CMKLR2: variants seen among roughly 807,000 people sequenced by gnomAD.
The protein encoded by CMKLR2 is chemerin chemokine-like receptor 2, also known as chemerin-like receptor 2.
CMKLR2 carries 18 observed loss-of-function variants against 23.0 expected under a neutral mutation model. The observed-to-expected ratio is 0.78, with a 90% CI of 0.54 to 1.16. CMKLR2 has a LOEUF of 1.16. CMKLR2 is among the 50% of genes most tolerant of loss of function. The probability of loss-of-function intolerance (pLI) is 0.00; values close to 1 mark genes in which losing one functional copy is unlikely to be tolerated. For missense variants in CMKLR2, 401 were observed against 412.7 expected (o/e 0.97, Z 0.25); for synonymous variants, 158 against 158.9 (o/e 0.99, Z 0.05).
chr2:206,177,235 C>T lies in CMKLR2; in HGVS notation c.13G>A (p.Glu5Lys). Residue 5 changes from glutamate to lysine, a missense_variant, in exon 2 of 2, where the codon GAG becomes AAG. Physicochemically the swap from Glu to Lys is moderately conservative, Grantham distance 56 (BLOSUM62 1). Coordinates refer to ENST00000621141, the MANE Select transcript of CMKLR2 (RefSeq NM_001389445.1). MEDL[E>K]ETLFEEFENY... is the part of the protein sequence containing the mutation. The stretch of plus-strand genomic sequence containing the variant: ...TCAAATTCTTCAAATAATGTTTCCT[C>T]CAAATCTTCCATGACCTTGCTAAAT... The T allele has an allele frequency of 1.3e-6, 2 of 1,594,258 alleles. No homozygotes were observed. The highest frequency in any genetic ancestry group is 1.7e-6 in the Non-Finnish European group (2 of 1,166,402).
chr2:206,203,082 G>A (rs530548171), intron 1 of CMKLR2, among the ~76,000 whole-genome samples: 5 of 150,818 alleles, frequency 3.3e-5, no homozygotes, highest in Non-Finnish European at 4.4e-5. Context: ...TTGGGAGGCC[G>A]AGGCGGGCAG....
intron 1 of CMKLR2, among the ~76,000 whole-genome samples, chr2:206,184,855 A>G (rs1479240899): frequency 2.0e-5 from 3 of 152,006 alleles, no homozygotes; most frequent in African/African-American, 4.8e-5. Flanking sequence ...TAGATTTTAT[A>G]TTTACCAGGC....
intron 1 of CMKLR2, among the ~76,000 whole-genome samples, chr2:206,180,972 C>G (rs1417485635): frequency 6.7e-6 from 1 of 149,728 alleles, no homozygotes; most frequent in African/African-American, 2.5e-5. Context: ...CCAGGCTGGT[C>G]TTGAACTCCT....
Position 206,176,489 on chromosome 2 carries a change from C to A in CMKLR2, c.759G>T (p.Val253=). Residue 253 remains valine, a synonymous_variant, in exon 2 of 2, where the codon GTG becomes GTT. Transcript: ENST00000621141. ...AAGGAGTCCAGCAAACCACAAAGGC[C>A]ACAACCACAACCAGAATTGTCCAGA... ...RHFWTILVVV[V]AFVVCWTPYH... 1 of 1,614,124 alleles carries A rather than the reference C, an allele frequency of 6.2e-7. No individual in the cohort carries two copies. Among genetic ancestry groups the A allele is most frequent in the South Asian group, 1.1e-5 (1 of 91,084 alleles).
chr2:206,178,237 C>T (rs899525291), intron 1 of CMKLR2, among the ~76,000 whole-genome samples: 6 of 152,134 alleles, frequency 3.9e-5, no homozygotes, highest in Admixed American at 3.3e-4. Flanking sequence ...TGCACTCCAG[C>T]CTGGGCAACA....
intron 1 of CMKLR2, among the ~76,000 whole-genome samples, chr2:206,198,494 CT>C (rs1212364610): frequency 6.6e-6 from 1 of 152,146 alleles, no homozygotes; most frequent in Non-Finnish European, 1.5e-5. Context: ...ACCGTATATT[CT>C]AGCTCTTTTA....
At chr2:206,214,100 C>T (rs574225491), upstream of CMKLR2, among the ~76,000 whole-genome samples, 3 of 151,424 alleles carry the variant, frequency 2.0e-5, no homozygotes, top group Admixed American at 2.0e-4. Context: ...GTGATCCACC[C>T]GCCTCAGTCT....
At position 206,177,089 on chromosome 2, in the gene CMKLR2, A is replaced by C. The variant is rs1212324573; in HGVS notation, c.159T>G (p.Ile53Met). 1 of 1,614,228 alleles carries C rather than the reference A, an allele frequency of 6.2e-7. No individual in the cohort carries two copies. The highest frequency in any genetic ancestry group is 8.5e-7 in the Non-Finnish European group (1 of 1,180,044). Reference sequence around the variant, plus strand: ...ACCAAATGACGATGGCATTTCCTGGAATTCCCAGAACAAAAGCCAAACAAT... The same window carrying C: ...ACCAAATGACGATGGCATTTCCTGGCATTCCCAGAACAAAAGCCAAACAAT... Reference protein sequence around the residue: ...VLYCLAFVLGIPGNAIVIWFT... With the variant: ...VLYCLAFVLGMPGNAIVIWFT... Residue 53 changes from isoleucine (I) to methionine (M), a missense_variant, in exon 2 of 2, where the codon ATT becomes ATG. By Grantham distance (10) the Ile-to-Met change is conservative (BLOSUM62 1). Transcript: ENST00000621141.
At chr2:206,207,291 C>T (rs1284379866) in intron 1 of CMKLR2, among the ~76,000 whole-genome samples, 2 of 151,846 alleles carry the variant, frequency 1.3e-5, no homozygotes, top group Admixed American at 1.3e-4. Flanking sequence ...CAAGCATGTG[C>T]CACCCCACTT....
chr2:206,178,703 G>A (rs1405066306), intron 1 of CMKLR2, among the ~76,000 whole-genome samples: 1 of 152,016 alleles, frequency 6.6e-6, no homozygotes, highest in Non-Finnish European at 1.5e-5. Context: ...AGGCTGGAAT[G>A]CATGGCACGA....
chr2:206,211,417 C>T (rs1042635898), intron 1 of CMKLR2, among the ~76,000 whole-genome samples: 5 of 152,054 alleles, frequency 3.3e-5, no homozygotes, highest in African/African-American at 7.2e-5. Flanking sequence ...CTCCGCCTCC[C>T]GGGTTCAAGC....
chr2:206,202,525 A>T (rs1333191243), intron 1 of CMKLR2, among the ~76,000 whole-genome samples: 1 of 152,160 alleles, frequency 6.6e-6, no homozygotes, highest in Non-Finnish European at 1.5e-5. Flanking sequence ...CAGTGGCGCA[A>T]TAATGGTTCA....
In CMKLR2 at chr2:206,176,221, A is replaced by T; in HGVS notation, c.1027T>A (p.Ser343Thr). The part of the protein sequence containing the change: ...SGTVSEQLRN[S>T]ETKNLCLLET... Reference sequence around the variant, plus strand: ...AGGAGACACAGATTCTTGGTTTCTGAGTTCCTGAGCTGTTCACTCACTGTG... The same window carrying T: ...AGGAGACACAGATTCTTGGTTTCTGTGTTCCTGAGCTGTTCACTCACTGTG... Residue 343 changes from serine to threonine, a missense_variant, in exon 2 of 2, where the codon TCA becomes ACA. Physicochemically the swap from Ser to Thr is moderately conservative, Grantham distance 58. Transcript: ENST00000621141. 3 of 1,612,764 alleles carry T rather than the reference A, an allele frequency of 1.9e-6. No homozygotes were observed. Among genetic ancestry groups the T allele is most frequent in the Non-Finnish European group, 2.5e-6 (3 of 1,179,416 alleles).
chr2:206,206,548 T>A (rs1057407093), intron 1 of CMKLR2, among the ~76,000 whole-genome samples: 1 of 152,236 alleles, frequency 6.6e-6, no homozygotes, highest in Non-Finnish European at 1.5e-5. Context: ...CTTCCCTAAA[T>A]GAACTCTTCC....
chr2:206,178,136 C>T (rs866313717), intron 1 of CMKLR2, among the ~76,000 whole-genome samples: 3 of 152,114 alleles, frequency 2.0e-5, no homozygotes, highest in East Asian at 1.9e-4. Flanking sequence ...TCTAGTGGCT[C>T]ATGCTGTAGT....
At chr2:206,217,310 A>G (rs909583650), upstream of CMKLR2, 1 of 152,158 alleles carries the variant, frequency 6.6e-6, no homozygotes, top group African/African-American at 2.4e-5. Context: ...ACTTGGTTAA[A>G]CTGTGAGGCT....
At position 206,192,305 on chromosome 2, in the gene CMKLR2, TA is replaced by T. The variant is rs1288577416; in HGVS notation, c.-28-15031del. Among the ~76,000 whole-genome samples, 19 of 147,604 alleles carry T rather than the reference TA, an allele frequency of 1.3e-4. No homozygotes were observed. In the South Asian group the frequency reaches 1.9e-3, roughly 15 times the overall value. On this transcript the variant is annotated intron_variant, in intron 1 of 1. Transcript: ENST00000621141. ...TTCTCTTTAAAAAAAAAAATTTATT[TA>T]TTTTTTTTTTATTTTTTATTTTATT...
chr2:206,183,991 T>G (rs1247412241), intron 1 of CMKLR2, among the ~76,000 whole-genome samples: 1 of 152,196 alleles, frequency 6.6e-6, no homozygotes, highest in Admixed American at 6.6e-5. Context: ...AACAGAAATG[T>G]ATTGTCTCAC....
chr2:206,199,621 C>G (rs1423799454), intron 1 of CMKLR2, among the ~76,000 whole-genome samples: 5 of 150,750 alleles, frequency 3.3e-5, no homozygotes, highest in Admixed American at 6.6e-5. Context: ...CGAAATGGAG[C>G]CTCTTGCTCT....
Sources: gnomAD v4.1 joint callset for allele counts (sites outside exome capture counted in the v4.1 genomes callset) on GRCh38, gnomAD v4.1.1 for gene constraint, MANE v1.5 for transcripts, NCBI Gene and HGNC (gene_info 2026-07-23, HGNC 2026-07-21) for gene names.